The following DCAF1 variants were observed in gnomAD, a reference collection of about 807,000 sequenced individuals.
The protein encoded by DCAF1 is DDB1- and CUL4-associated factor 1.
Under a neutral mutation model 128.0 loss-of-function variants are expected in DCAF1, and 15 were observed. The observed-to-expected ratio is 0.12, with a 90% CI of 0.08 to 0.18. The LOEUF is 0.18. Among genes scored for constraint, DCAF1 ranks in the 10% least tolerant of loss-of-function variants. The pLI, the probability that DCAF1 is intolerant of heterozygous loss-of-function variation, is 1.00. For synonymous variants in DCAF1, 610 were observed against 603.0 expected (o/e 1.01, Z -0.17); for missense variants, 988 against 1,649.5 (o/e 0.60, Z 6.95).
intron 3 of DCAF1, among the ~76,000 whole-genome samples, chr3:51,471,532 C>T (rs190510410): frequency 1.7e-4 from 26 of 152,054 alleles, no homozygotes; most frequent in African/African-American, 5.8e-4. Flanking sequence ...AATAACATTA[C>T]CTTCACCTCA....
intron 6 of DCAF1, among the ~76,000 whole-genome samples, chr3:51,446,963 A>AACTAATAATAATAAT (rs1701913898): frequency 7.3e-6 from 1 of 136,990 alleles, no homozygotes; most frequent in Non-Finnish European, 1.5e-5. Context: ...TTTGTCTCAA[A>AACTAATAATAATAAT]AATAATAATA....
intron 9 of DCAF1, among the ~76,000 whole-genome samples, chr3:51,434,767 A>T (rs1366539714): frequency 6.6e-6 from 1 of 152,140 alleles, no homozygotes; most frequent in Non-Finnish European, 1.5e-5. Flanking sequence ...TTATTTTTTA[A>T]GGTTTTTTAA....
At chr3:51,412,847 C>T in intron 22 of DCAF1, 146 bp downstream of exon 22, 1 of 1,256,710 alleles carries the variant, frequency 8.0e-7, no homozygotes, top group East Asian at 2.6e-5. Flanking sequence ...TCTCCCAAGC[C>T]CCATCAAATG....
intron 3 of DCAF1, among the ~76,000 whole-genome samples, chr3:51,482,965 C>T (rs1433970603): frequency 6.6e-6 from 1 of 151,136 alleles, no homozygotes; most frequent in Non-Finnish European, 1.5e-5. Context: ...GGTGAAACCC[C>T]GTCTCTACTA....
In DCAF1 at chr3:51,469,578, T is replaced by C. The variant is rs1192847431; in HGVS notation, c.187+1351A>G. 9.9e-5 allele frequency among the ~76,000 whole-genome samples: 15 copies of C among 151,984 alleles called. 1 individual carries two copies. The highest frequency in any genetic ancestry group is 8.5e-4 in the Admixed American group (13 of 15,224). ...AAGGACTGCTTCAGGCTATCAAGCT[T>C]ATATGTACTATGGGCCCATGCATGA... On this transcript the variant is annotated intron_variant, in intron 4 of 24. Transcript: ENST00000684031.
chr3:51,470,790 C>A, intron 4 of DCAF1, 139 bp downstream of exon 4: 3 of 493,424 alleles, frequency 6.1e-6, no homozygotes, highest in South Asian at 4.8e-5. Context: ...TAAAACTTAC[C>A]ACAAAAGACG....
chr3:51,407,826 A>T (rs1553627151), intron 23 of DCAF1, among the ~76,000 whole-genome samples: 1 of 151,934 alleles, frequency 6.6e-6, no homozygotes, highest in Non-Finnish European at 1.5e-5. Flanking sequence ...CATCTCTACT[A>T]AAAATACAGA....
intron 13 of DCAF1, among the ~76,000 whole-genome samples, chr3:51,423,275 T>C (rs1699583136): frequency 6.6e-6 from 1 of 152,042 alleles, no homozygotes; most frequent in Admixed American, 6.6e-5. Flanking sequence ...GCAGATTGCC[T>C]GAGCTCAGGA....
intron 9 of DCAF1, chr3:51,438,041 T>C: frequency 4.9e-6 from 2 of 409,976 alleles, no homozygotes; most frequent in South Asian, 1.9e-5. Flanking sequence ...TATATGTTCA[T>C]CTTAAAATTT....
chr3:51,499,569 G>T (rs562812395), intron 1 of DCAF1, among the ~76,000 whole-genome samples: 26 of 151,998 alleles, frequency 1.7e-4, no homozygotes, highest in Admixed American at 3.9e-4. Context: ...CCCTCCTCCA[G>T]GTAGGGGCGG....
At chr3:51,426,027 CT>C (rs1382776049) in intron 13 of DCAF1, among the ~76,000 whole-genome samples, 9 of 152,198 alleles carry the variant, frequency 5.9e-5, no homozygotes, top group African/African-American at 2.2e-4. Context: ...TAAGATGTCA[CT>C]TTCCTTTTGC....
chr3:51,472,021 A>C (rs578000270), intron 3 of DCAF1, among the ~76,000 whole-genome samples: 1 of 152,214 alleles, frequency 6.6e-6, no homozygotes, highest in East Asian at 1.9e-4. Context: ...GATTACCTCT[A>C]ATGGTCTTTT....
rs782478924 is a variant in DCAF1 at position 51,441,617 on chromosome 3, T to C, written c.794A>G (p.Lys265Arg). ...STTKPEDGGL[K>R]KNKSAKQGDR... ...ACCCTGTTTTGCTGACTTGTTTTTC[T>C]TTAATCCTCCATCCTCAGGTTTGGT... is the stretch of plus-strand genomic sequence containing the variant. Residue 265 changes from lysine (K) to arginine (R), a missense_variant, in exon 8 of 25, where the codon AAG becomes AGG. Lys to Arg is a conservative substitution (Grantham distance 26, BLOSUM62 2). Around this residue, in one of 11 missense-constraint regions of DCAF1, gnomAD observed 210 missense variants for 260.2 expected, o/e 0.81. Coordinates refer to ENST00000684031, the MANE Select transcript of DCAF1 (RefSeq NM_001387579.1). The C allele has an allele frequency of 4.0e-5, 65 of 1,614,020 alleles. No individual in the cohort carries two copies. The highest frequency in any genetic ancestry group is 5.2e-5 in the Non-Finnish European group (61 of 1,179,896).
At chr3:51,498,670 G>C (rs947999417) in intron 1 of DCAF1, among the ~76,000 whole-genome samples, 2 of 152,266 alleles carry the variant, frequency 1.3e-5, no homozygotes, top group East Asian at 3.9e-4. Flanking sequence ...AGTACAAAAT[G>C]ATTTCCCTAC....
chr3:51,495,455 C>A (rs1386685512), intron 2 of DCAF1, among the ~76,000 whole-genome samples: 1 of 152,014 alleles, frequency 6.6e-6, no homozygotes, highest in Non-Finnish European at 1.5e-5. Flanking sequence ...TGAGACCAGC[C>A]TGGGTAACAG....
At chr3:51,483,908 G>C (rs1382334881) in intron 2 of DCAF1, 72 bp from the exon 3 acceptor site, 1 of 1,065,902 alleles carries the variant, frequency 9.4e-7, no homozygotes, top group East Asian at 2.4e-5. Flanking sequence ...TGAAGAAGGG[G>C]TAGAAAAGGA....
intron 6 of DCAF1, among the ~76,000 whole-genome samples, chr3:51,462,869 A>C (rs1175188098): frequency 1.3e-5 from 2 of 152,056 alleles, no homozygotes; most frequent in Non-Finnish European, 2.9e-5. Context: ...GAAATGCTAA[A>C]GTAGGAGGAT....
At chr3:51,439,287 C>T (rs73078645) in intron 9 of DCAF1, among the ~76,000 whole-genome samples, 1 of 151,854 alleles carries the variant, frequency 6.6e-6, no homozygotes, top group Non-Finnish European at 1.5e-5. Flanking sequence ...AGATACCACG[C>T]CAGGCTAATT....
chr3:51,462,356 T>G (rs546054238), intron 6 of DCAF1, among the ~76,000 whole-genome samples: 1 of 152,126 alleles, frequency 6.6e-6, no homozygotes, highest in East Asian at 1.9e-4. Context: ...CAGGAGGAAG[T>G]TGCAGTGAGC....
Sources: gnomAD v4.1 joint callset for allele counts (sites outside exome capture counted in the v4.1 genomes callset) on GRCh38, gnomAD v4.1.1 for gene constraint, gnomAD v4.1.1 regional missense constraint, MANE v1.5 for transcripts, NCBI Gene and HGNC (gene_info 2026-07-23, HGNC 2026-07-21) for gene names.